The following PRKCA variants were observed in gnomAD, a reference collection of about 807,000 sequenced individuals.
The protein encoded by PRKCA is protein kinase C alpha type.
PRKCA carries 27 observed loss-of-function variants against 87.0 expected under a neutral mutation model. The ratio of observed to expected loss-of-function variants is 0.31; its 90% confidence interval spans 0.23 to 0.43. PRKCA has a LOEUF of 0.43. Among genes scored for constraint, PRKCA ranks in the 20% least tolerant of loss-of-function variants. PRKCA has a pLI of 1.00. For synonymous variants in PRKCA, 329 were observed against 311.1 expected, an observed-to-expected ratio of 1.06 and a Z score of -0.61; for missense variants, 518 against 852.3, an observed-to-expected ratio of 0.61 and a Z score of 4.88.
chr17:66,547,818 T>C (rs781174546), intron 3 of PRKCA, among the ~76,000 whole-genome samples: 27 of 152,228 alleles, frequency 1.8e-4, no homozygotes, highest in Non-Finnish European at 3.7e-4. Context: ...AATAATTATT[T>C]GCAAGCAAAG....
chr17:66,522,227 A>G (rs1598739200), intron 3 of PRKCA, among the ~76,000 whole-genome samples: 1 of 152,244 alleles, frequency 6.6e-6, no homozygotes, highest in Non-Finnish European at 1.5e-5. Context: ...GATACCCCGA[A>G]TGGCAGGCCA....
At chr17:66,332,608 A>G (rs1444652993) in intron 2 of PRKCA, among the ~76,000 whole-genome samples, 1 of 152,118 alleles carries the variant, frequency 6.6e-6, no homozygotes, top group Non-Finnish European at 1.5e-5. Context: ...GTTAGCATCT[A>G]AAGACTCTGT....
rs528930127 is a variant in PRKCA, at chr17:66,356,045, C to T, written c.205+49918C>T. 2.1e-4 allele frequency among the ~76,000 whole-genome samples: 32 copies of T among 152,014 alleles called. No individual in the cohort carries two copies. The East Asian group carries it at 3.9e-3, about 19-fold the overall frequency. On this transcript the variant is annotated intron_variant, in intron 2 of 16. Transcript: ENST00000413366. ...TCCCGAGTAGCTGGGATTTCAGGCA[C>T]GTGCCACCAAGTCCAGCTAATTTTT...
At position 66,509,924 on chromosome 17, in the gene PRKCA, A is replaced by C. The variant is rs572643208; in HGVS notation, c.288+13641A>C. Among the ~76,000 whole-genome samples, 7 of 152,324 alleles carry C rather than the reference A, an allele frequency of 4.6e-5. No individual in the cohort carries two copies. The East Asian group carries it at 1.4e-3, about 29-fold the overall frequency. On this transcript the variant is annotated intron_variant, in intron 3 of 16. Transcript: ENST00000413366. ...GCGAATGAATGGAAAAAAAAAATGA[A>C]GTCTTTGATTCCCTAAAGAAAATGA...
At chr17:66,544,473 G>T (rs1283149534) in intron 3 of PRKCA, among the ~76,000 whole-genome samples, 1 of 152,110 alleles carries the variant, frequency 6.6e-6, no homozygotes, top group African/African-American at 2.4e-5. Context: ...ACAAGCCTTA[G>T]TACATAAAAA....
At chr17:66,338,954 C>G (rs1407236811) in intron 2 of PRKCA, among the ~76,000 whole-genome samples, 1 of 152,138 alleles carries the variant, frequency 6.6e-6, no homozygotes, top group Non-Finnish European at 1.5e-5. Context: ...CATACTTGTG[C>G]CCACACAGGC....
At chr17:66,482,114 A>AAG (rs1312882650) in intron 2 of PRKCA, among the ~76,000 whole-genome samples, 2 of 150,502 alleles carry the variant, frequency 1.3e-5, no homozygotes, top group Admixed American at 6.6e-5. Flanking sequence ...AAAAAAAAAA[A>AAG]AAAGAAAAAA....
rs1009738670 is a variant in PRKCA at position 66,368,808 on chromosome 17, T to G, written c.205+62681T>G. 3.9e-5 allele frequency among the ~76,000 whole-genome samples: 6 copies of G among 152,310 alleles called. No individual in the cohort carries two copies. The South Asian group carries it at 1.2e-3, about 32-fold the overall frequency. ...AATTAAGTTTTATACAAATGTAAAG[T>G]ACTGCAATTCATGTTGACCTCTCAG... On this transcript the variant is annotated intron_variant, in intron 2 of 16. Transcript: ENST00000413366.
At chr17:66,713,983 C>G (rs1973407435) in intron 8 of PRKCA, among the ~76,000 whole-genome samples, 1 of 152,128 alleles carries the variant, frequency 6.6e-6, no homozygotes, top group African/African-American at 2.4e-5. Flanking sequence ...TCACATTCCC[C>G]CAGGTGCTCA....
At chr17:66,642,974 C>T (rs1355962604) in intron 4 of PRKCA, among the ~76,000 whole-genome samples, 3 of 152,082 alleles carry the variant, frequency 2.0e-5, no homozygotes, top group Admixed American at 6.6e-5. Flanking sequence ...CAGGAGGCGG[C>T]GGTTGCTGTG....
In PRKCA at chr17:66,328,169, T is replaced by C. The variant is rs909671610; in HGVS notation, c.205+22042T>C. ...GGTCCTCCTGCCTCAGCCTCCAGAG[T>C]AGCTGGGTGTTAACAGATGCATGCC... is the stretch of plus-strand genomic sequence containing the variant. On this transcript the variant is annotated intron_variant, in intron 2 of 16. Coordinates refer to ENST00000413366, the MANE Select transcript of PRKCA (RefSeq NM_002737.3). Among the ~76,000 whole-genome samples, 3 of 152,168 alleles carry C rather than the reference T, an allele frequency of 2.0e-5. No homozygotes were observed. In the East Asian group the frequency reaches 5.8e-4, roughly 30 times the overall value.
At chr17:66,310,215 T>C (rs1441723454) in intron 2 of PRKCA, among the ~76,000 whole-genome samples, 1 of 152,014 alleles carries the variant, frequency 6.6e-6, no homozygotes, top group East Asian at 1.9e-4. Context: ...TAATTTTTTT[T>C]TTTTTTTGCT....
At chr17:66,407,755 A>G (rs1297109535) in intron 2 of PRKCA, among the ~76,000 whole-genome samples, 1 of 152,082 alleles carries the variant, frequency 6.6e-6, no homozygotes, top group African/African-American at 2.4e-5. Flanking sequence ...TTAAATTAGC[A>G]TATTAGTTTA....
At chr17:66,742,498 G>A in intron 12 of PRKCA, 124 bp from the exon 13 acceptor site, 1 of 1,011,162 alleles carries the variant, frequency 9.9e-7, no homozygotes, top group Admixed American at 2.1e-5. Context: ...CTACAGTCCA[G>A]GGACTTATAG....
At chr17:66,633,536 G>C (rs116450462) in intron 3 of PRKCA, among the ~76,000 whole-genome samples, 1 of 152,168 alleles carries the variant, frequency 6.6e-6, no homozygotes, top group African/African-American at 2.4e-5. Context: ...CTTCAAGGAG[G>C]CATACTGCTC....
intron 8 of PRKCA, among the ~76,000 whole-genome samples, chr17:66,702,691 A>G (rs1230321921): frequency 6.6e-6 from 1 of 152,202 alleles, no homozygotes; most frequent in Non-Finnish European, 1.5e-5. Context: ...TTAAACAATG[A>G]CTAATACCAT....
intron 2 of PRKCA, among the ~76,000 whole-genome samples, chr17:66,447,539 T>TG (rs974037173): frequency 2.6e-5 from 4 of 152,158 alleles, no homozygotes; most frequent in Admixed American, 6.5e-5. Context: ...GCAGCTTAAC[T>TG]GGGGGAGTGA....
At chr17:66,467,620 C>T (rs981064712) in intron 2 of PRKCA, among the ~76,000 whole-genome samples, 3 of 152,178 alleles carry the variant, frequency 2.0e-5, no homozygotes, top group African/African-American at 7.2e-5. Flanking sequence ...TGCAGTGGCA[C>T]CATCTTGGCT....
At chr17:66,765,319 G>A (rs1187119806) in intron 13 of PRKCA, among the ~76,000 whole-genome samples, 2 of 150,212 alleles carry the variant, frequency 1.3e-5, no homozygotes, top group East Asian at 2.0e-4. Context: ...AGACTGAGGC[G>A]GGAGAATCGC....
Sources: allele counts gnomAD v4.1 joint callset (sites outside exome capture counted in the v4.1 genomes callset), GRCh38; gene constraint gnomAD v4.1.1; transcripts MANE v1.5; gene names NCBI Gene and HGNC (gene_info 2026-07-23, HGNC 2026-07-21).